Variants in LPCAT3 observed in about 807,000 individuals in gnomAD.
The protein encoded by LPCAT3 is lysophospholipid acyltransferase 5.
Under a neutral mutation model 63.4 loss-of-function variants are expected in LPCAT3, and 21 were observed. The ratio of observed to expected loss-of-function variants is 0.33; its 90% CI spans 0.23 to 0.48. LPCAT3 has a LOEUF of 0.48. Ranked by LOEUF, LPCAT3 falls within the 20% of genes least tolerant of loss-of-function variation. LPCAT3 has a pLI of 0.99. For missense variants in LPCAT3, 451 were observed against 590.6 expected (o/e 0.76, Z 2.45); for synonymous variants, 242 against 227.5 (o/e 1.06, Z -0.58).
intron 1 of LPCAT3, among the ~76,000 whole-genome samples, chr12:7,004,023 T>C (rs1946709152): frequency 6.6e-6 from 1 of 152,090 alleles, no homozygotes. Flanking sequence ...GGCATCTTAC[T>C]TAGCGAATCA....
At chr12:6,989,141 T>G (rs797038768) in intron 1 of LPCAT3, among the ~76,000 whole-genome samples, 34 of 151,938 alleles carry the variant, frequency 2.2e-4, no homozygotes, top group African/African-American at 7.2e-4. Context: ...AAAAAGAACT[T>G]GTTTGGCAGC....
At position 7,015,322 on chromosome 12, in the gene LPCAT3, A is replaced by G. The variant is rs138204393; in HGVS notation, c.151+2952T>C. Among the ~76,000 whole-genome samples, 52 of 152,332 alleles carry G rather than the reference A, an allele frequency of 3.4e-4. 1 individual carries two copies. The East Asian group carries it at 9.4e-3, about 28-fold the overall frequency. ...GAATTAATCTAATCAGTGGAAAGTGAACCAGAAATCATTTTGGACTACAGG... is the reference window on the plus strand; with the variant it reads ...GAATTAATCTAATCAGTGGAAAGTGGACCAGAAATCATTTTGGACTACAGG... On this transcript the variant is annotated intron_variant, in intron 1 of 12. Coordinates refer to ENST00000261407, the MANE Select transcript of LPCAT3 (RefSeq NM_005768.6).
chr12:7,018,235 G>T lies in LPCAT3; in HGVS notation c.151+39C>A. ...CCCCATTCCTCCCCTACTCCCCGGG[G>T]ACTCCGCGAGGGGCGGAGGGAGGCA... On this transcript the variant is annotated intron_variant, in intron 1 of 12. Transcript: ENST00000261407. This position sits in a 1 kb window ranked among gnomAD's most constrained non-coding sequence, Gnocchi z 4.9. 1.9e-6 allele frequency: 3 copies of T among 1,568,940 alleles called. No homozygotes were observed. Among genetic ancestry groups the T allele is most frequent in the Non-Finnish European group, 2.6e-6 (3 of 1,156,296 alleles).
rs948441186 is a variant in LPCAT3 at position 6,986,331 on chromosome 12, T to A, written c.152-2792A>T. 3.2e-3 allele frequency among the ~76,000 whole-genome samples: 487 copies of A among 152,078 alleles called. 5 individuals carry two copies. Among genetic ancestry groups the A allele is most frequent in the African/African-American group, 0.011 (460 of 41,324 alleles). On this transcript the variant is annotated intron_variant, in intron 1 of 12. Transcript: ENST00000261407. ...CCACTGAATGAAGAGTAAACATATT[T>A]TTTCTTGCTTATGATTCTCTTAATA... is the stretch of plus-strand genomic sequence containing the variant.
intron 1 of LPCAT3, among the ~76,000 whole-genome samples, chr12:7,015,778 GTT>G (rs1162132455): frequency 6.6e-6 from 1 of 152,148 alleles, no homozygotes; most frequent in African/African-American, 2.4e-5. Flanking sequence ...TACACCAAGT[GTT>G]TATTACTTTG....
rs1279142226 is a variant in LPCAT3, at chr12:6,981,911, G to A, written c.367-7C>T. 2 of 1,461,316 alleles carry A rather than the reference G, an allele frequency of 1.4e-6. No individual in the cohort carries two copies. Among genetic ancestry groups the A allele is most frequent in the South Asian group, 2.3e-5 (2 of 87,920 alleles). The allele number at this position is 1,461,316 out of a possible 1,614,324, so 90.5% of individuals were successfully genotyped here. A position where few individuals can be genotyped will look rare whatever the true frequency, so the allele number is the denominator to read the frequency against. ...ATCCAGCCAGAAGGTAGGCCTAGGA[G>A]AGGCAGAAGTATTTATTCTAGCATC... On this transcript the variant is annotated splice_region_variant and splice_polypyrimidine_tract_variant and intron_variant, in intron 3 of 12. Coordinates refer to ENST00000261407, the MANE Select transcript of LPCAT3 (RefSeq NM_005768.6).
Position 6,976,502 on chromosome 12 carries a change from A to G in LPCAT3, c.*402T>C, listed in dbSNP as rs1555153215. ...CACTTTGGGAGGCGGAGGCGGGTGG[A>G]TCACTTGCGGTCAGGAGTTCGAGAC... is the stretch of plus-strand genomic sequence containing the variant. On this transcript the variant is annotated 3_prime_UTR_variant, in exon 13 of 13. Transcript: ENST00000261407. 6.5e-6 allele frequency: 1 copy of G among 153,116 alleles called. No homozygotes were observed. Among genetic ancestry groups the G allele is most frequent in the African/African-American group, 2.4e-5 (1 of 41,408 alleles). The allele number at this position is 153,116 out of a possible 1,614,324, so 9.5% of individuals were successfully genotyped here.
At chr12:7,007,205 G>A (rs905729530) in intron 1 of LPCAT3, among the ~76,000 whole-genome samples, 5 of 151,774 alleles carry the variant, frequency 3.3e-5, no homozygotes, top group East Asian at 1.9e-4. Flanking sequence ...CACCATGCCC[G>A]GCTAATTTTT....
intron 1 of LPCAT3, among the ~76,000 whole-genome samples, chr12:7,002,886 G>A (rs1181069950): frequency 1.3e-5 from 2 of 152,142 alleles, no homozygotes; most frequent in Non-Finnish European, 2.9e-5. Flanking sequence ...GCGGGCGCCT[G>A]TAATCCCAGC....
intron 1 of LPCAT3, among the ~76,000 whole-genome samples, chr12:7,014,682 G>A (rs950150098): frequency 6.6e-6 from 1 of 152,098 alleles, no homozygotes; most frequent in South Asian, 2.1e-4. Flanking sequence ...GGATCACGAC[G>A]TCAGTAGATT....
chr12:6,990,521 AAAATAAAATAAAT>A (rs1183941722), intron 1 of LPCAT3, among the ~76,000 whole-genome samples: 3 of 135,636 alleles, frequency 2.2e-5, no homozygotes, highest in African/African-American at 8.5e-5. Context: ...AAAGAAAATT[AAAATAAAATAAAT>A]AAATAAATAA....
At chr12:6,997,671 C>T (rs1266280152) in intron 1 of LPCAT3, among the ~76,000 whole-genome samples, 1 of 151,522 alleles carries the variant, frequency 6.6e-6, no homozygotes, top group Non-Finnish European at 1.5e-5. Flanking sequence ...ACCGTAACCT[C>T]TGCCTCCTGG....
At position 6,977,105 on chromosome 12, in the gene LPCAT3, G is replaced by T; in HGVS notation, c.*12+29C>A. The T allele has an allele frequency of 7.7e-7, 1 of 1,299,790 alleles. No homozygotes were observed. The highest frequency in any genetic ancestry group is 1.1e-6 in the Non-Finnish European group (1 of 894,922). The allele number at this position is 1,299,790 out of a possible 1,614,324, so 80.5% of individuals were successfully genotyped here. On this transcript the variant is annotated intron_variant, in intron 12 of 12. Transcript: ENST00000261407. The surrounding 1 kb of genome is among the most constrained non-coding windows in gnomAD (Gnocchi z 4.5). ...TGTTGCTCTATTCTGTAACCTGGTG[G>T]TAGTTTTAGTTTAGCTGTATTAACT... is the stretch of plus-strand genomic sequence containing the variant.
At chr12:6,997,140 A>G (rs1946643325) in intron 1 of LPCAT3, 1 of 152,140 alleles carries the variant, frequency 6.6e-6, no homozygotes, top group Non-Finnish European at 1.5e-5. Flanking sequence ...AATTTTGAAA[A>G]ACTGTATATC....
rs945857249 is a variant in LPCAT3 at position 6,983,345 on chromosome 12, T to C, written c.259+87A>G. On this transcript the variant is annotated intron_variant, in intron 2 of 12. Transcript: ENST00000261407. ...GGGAGCATTATAACTTCCCTACCTA[T>C]TAGATTCTCTCAAGGAAATTTTGTT... 5.9e-6 allele frequency: 5 copies of C among 842,930 alleles called. No homozygotes were observed. The Admixed American group carries it at 1.1e-4, about 18-fold the overall frequency. 52.2% of individuals were successfully genotyped at this position (842,930 alleles called of 1,614,324 possible). A position where few individuals can be genotyped will look rare whatever the true frequency, so the allele number is the denominator to read the frequency against.
intron 4 of LPCAT3, 80 bp downstream of exon 4, chr12:6,981,731 A>AGGGGGGG: frequency 4.7e-6 from 1 of 210,734 alleles, no homozygotes; most frequent in South Asian, 4.1e-5. Flanking sequence ...CGGGGGGCGG[A>AGGGGGGG]GGGGGGGTGC....
rs781813073 is a variant in LPCAT3, at chr12:7,018,412, C to T, written c.13G>A (p.Ala5Thr). The change falls in exon 1 of 13, where the codon GCG becomes ACG. Residue 5 changes from alanine (A) to threonine (T), a missense_variant. Physicochemically the swap from Ala to Thr is moderately conservative, Grantham distance 58 (BLOSUM62 0). Transcript: ENST00000261407. The surrounding 1 kb of genome is among the most constrained non-coding windows in gnomAD (Gnocchi z 4.9). MASS[A>T]EGDEGTVVAL... ...ACCACAGTCCCCTCGTCCCCCTCCG[C>T]TGAGGACGCCATCTTAACTCCGGGA... 4.9e-5 allele frequency: 79 copies of T among 1,606,608 alleles called. No individual in the cohort carries two copies. Among genetic ancestry groups the T allele is most frequent in the Non-Finnish European group, 6.6e-5 (78 of 1,176,046 alleles).
At chr12:7,002,846 T>G (rs1946698283) in intron 1 of LPCAT3, among the ~76,000 whole-genome samples, 2 of 152,020 alleles carry the variant, frequency 1.3e-5, no homozygotes, top group Middle Eastern at 3.2e-3. Flanking sequence ...CCATCTCTAC[T>G]AAAAATACAA....
At chr12:6,989,765 C>T (rs1347697957) in intron 1 of LPCAT3, among the ~76,000 whole-genome samples, 2 of 152,200 alleles carry the variant, frequency 1.3e-5, no homozygotes, top group Non-Finnish European at 2.9e-5. Flanking sequence ...TCACAACGTG[C>T]ATTGTTAGCG....
Sources: gnomAD v4.1 joint callset for allele counts (sites outside exome capture counted in the v4.1 genomes callset) on GRCh38, gnomAD v4.1.1 for gene constraint, Gnocchi (gnomAD v3.1) non-coding constraint, MANE v1.5 for transcripts, NCBI Gene and HGNC (gene_info 2026-07-23, HGNC 2026-07-21) for gene names.